Variants in BBS9 observed in about 807,000 individuals in gnomAD.
BBS9 encodes the protein protein PTHB1.
Under a neutral mutation model 117.7 loss-of-function variants are expected in BBS9, and 89 were observed. The observed-to-expected ratio is 0.76, with a 90% CI of 0.64 to 0.90. The LOEUF is 0.90. Among genes scored for constraint, BBS9 ranks in the 40% least tolerant of loss-of-function variants. BBS9 has a pLI of 0.00. For missense variants in BBS9, 982 were observed against 1,042.2 expected (o/e 0.94, Z 0.80); for synonymous variants, 379 against 370.9 (o/e 1.02, Z -0.25).
intron 19 of BBS9, among the ~76,000 whole-genome samples, chr7:33,451,570 C>T (rs1463965208): frequency 2.0e-5 from 3 of 152,126 alleles, no homozygotes; most frequent in Non-Finnish European, 4.4e-5. Context: ...GTCTTTATGC[C>T]AGTACCATAC....
At chr7:33,452,988 T>C (rs984377480) in intron 19 of BBS9, among the ~76,000 whole-genome samples, 1 of 152,202 alleles carries the variant, frequency 6.6e-6, no homozygotes, top group Non-Finnish European at 1.5e-5. Flanking sequence ...CTGTGCACTT[T>C]ATTTAAGAAG....
chr7:33,577,170 C>T (rs1585329936), intron 21 of BBS9, among the ~76,000 whole-genome samples: 1 of 151,952 alleles, frequency 6.6e-6, no homozygotes, highest in Non-Finnish European at 1.5e-5. Context: ...AAAGGGCTAA[C>T]ATCCAGAATC....
intron 19 of BBS9, among the ~76,000 whole-genome samples, chr7:33,475,022 C>T (rs1412076981): frequency 6.6e-6 from 1 of 152,180 alleles, no homozygotes; most frequent in East Asian, 1.9e-4. Flanking sequence ...CCTATTGATC[C>T]TAATAGTCTT....
chr7:33,530,198 C>A (rs779100039), intron 20 of BBS9, among the ~76,000 whole-genome samples: 1 of 152,112 alleles, frequency 6.6e-6, no homozygotes, highest in Admixed American at 6.5e-5. Flanking sequence ...CAATTCAGTC[C>A]CTCCAAGTAA....
intron 19 of BBS9, among the ~76,000 whole-genome samples, chr7:33,420,044 C>T (rs1172044459): frequency 6.6e-6 from 1 of 152,064 alleles, no homozygotes; most frequent in East Asian, 1.9e-4. Flanking sequence ...AAAGAAGCCT[C>T]AAATATTCAA....
At chr7:33,594,305 T>C (rs1306713345) in intron 21 of BBS9, among the ~76,000 whole-genome samples, 1 of 152,076 alleles carries the variant, frequency 6.6e-6, no homozygotes, top group African/African-American at 2.4e-5. Context: ...GGGATCAAAG[T>C]TGGTTATCAG....
intron 19 of BBS9, among the ~76,000 whole-genome samples, chr7:33,401,657 G>A (rs1006390432): frequency 5.3e-4 from 81 of 152,298 alleles, no homozygotes; most frequent in African/African-American, 1.9e-3. Flanking sequence ...AGAATCAATA[G>A]AAGGAATATC....
At chr7:33,136,165 C>T (rs1790429185) in intron 1 of BBS9, among the ~76,000 whole-genome samples, 1 of 152,082 alleles carries the variant, frequency 6.6e-6, no homozygotes, top group Admixed American at 6.6e-5. Flanking sequence ...TTGTTCATTG[C>T]AAGAATATAG....
rs370022404 is a variant in BBS9, at chr7:33,389,201, C to A, written c.2115+1057C>A. The stretch of plus-strand genomic sequence containing the variant: ...CCTGTGTAGATTCAGCATCCGCCAC[C>A]ACATTCTAGACGCTTCACCACAGGA... On this transcript the variant is annotated intron_variant, in intron 19 of 22. Transcript: ENST00000242067. Among the ~76,000 whole-genome samples, 16 of 150,584 alleles carry A rather than the reference C, an allele frequency of 1.1e-4. No homozygotes were observed. In the South Asian group the frequency reaches 1.5e-3, roughly 14 times the overall value.
chr7:33,349,256 TG>T (rs1563042916), intron 13 of BBS9, 86 bp downstream of exon 13: 1 of 941,398 alleles, frequency 1.1e-6, no homozygotes, highest in South Asian at 1.3e-5. Context: ...TATTATTTCA[TG>T]TCTGAATGGT....
chr7:33,559,880 C>T (rs1855838569), intron 21 of BBS9, among the ~76,000 whole-genome samples: 1 of 152,116 alleles, frequency 6.6e-6, no homozygotes, highest in African/African-American at 2.4e-5. Context: ...TGCATATTCT[C>T]CTTTGTTCCC....
chr7:33,392,182 C>A (rs1827182438), intron 19 of BBS9, among the ~76,000 whole-genome samples: 1 of 152,178 alleles, frequency 6.6e-6, no homozygotes, highest in Non-Finnish European at 1.5e-5. Flanking sequence ...AACAATTTTA[C>A]TGTATAGTAA....
intron 20 of BBS9, among the ~76,000 whole-genome samples, chr7:33,507,772 C>T (rs1203474341): frequency 1.3e-5 from 2 of 152,144 alleles, no homozygotes; most frequent in East Asian, 3.8e-4. Flanking sequence ...GGGTCAGGGC[C>T]AGCTACATAA....
At chr7:33,198,907 T>C (rs1301699004) in intron 5 of BBS9, among the ~76,000 whole-genome samples, 2 of 152,088 alleles carry the variant, frequency 1.3e-5, no homozygotes, top group East Asian at 3.9e-4. Flanking sequence ...TCCTGATATA[T>C]TAGGAACAGT....
intron 4 of BBS9, among the ~76,000 whole-genome samples, chr7:33,158,787 G>A (rs1794431917): frequency 6.6e-6 from 1 of 152,082 alleles, no homozygotes; most frequent in African/African-American, 2.4e-5. Context: ...AAAAACCTTA[G>A]TCAAATGAAA....
chr7:33,589,441 G>A (rs1861502395), intron 21 of BBS9, among the ~76,000 whole-genome samples: 2 of 152,082 alleles, frequency 1.3e-5, no homozygotes, highest in Admixed American at 6.6e-5. Context: ...ACTGCAGACA[G>A]CAAAACTGCA....
chr7:33,227,465 T>A (rs1343903621), intron 5 of BBS9, among the ~76,000 whole-genome samples: 1 of 151,800 alleles, frequency 6.6e-6, no homozygotes, highest in Non-Finnish European at 1.5e-5. Context: ...TTTAAAAAAT[T>A]AAAAAAAAGT....
chr7:33,146,698 CA>C (rs36056577), intron 2 of BBS9, among the ~76,000 whole-genome samples: 2,000 of 81,278 alleles, frequency 0.025, 17 homozygotes, highest in African/African-American at 0.081. Flanking sequence ...GGCTCCATCT[CA>C]AAAAAAAAAA....
In BBS9 at chr7:33,448,693, A is replaced by G. The variant is rs912651690; in HGVS notation, c.2116-56770A>G. On this transcript the variant is annotated intron_variant, in intron 19 of 22. Transcript: ENST00000242067. Reference sequence around the variant, plus strand: ...TAGGATTGTTTTTTCCTTTCTAAAGAATAGGAATCTGAGACAGTTTATTCA... The same window carrying G: ...TAGGATTGTTTTTTCCTTTCTAAAGGATAGGAATCTGAGACAGTTTATTCA... Among the ~76,000 whole-genome samples, 5 of 152,352 alleles carry G rather than the reference A, an allele frequency of 3.3e-5. No individual in the cohort carries two copies. The East Asian group carries it at 7.7e-4, about 24-fold the overall frequency.
Sources: gnomAD v4.1 joint callset for allele counts (sites outside exome capture counted in the v4.1 genomes callset) on GRCh38, gnomAD v4.1.1 for gene constraint, MANE v1.5 for transcripts, NCBI Gene and HGNC (gene_info 2026-07-23, HGNC 2026-07-21) for gene names.